The following EZH2 variants were observed in gnomAD, a reference collection of about 807,000 sequenced individuals.
EZH2 encodes enhancer of zeste 2 polycomb repressive complex 2 subunit, also known as histone-lysine N-methyltransferase EZH2.
EZH2 carries 18 observed loss-of-function variants against 98.4 expected under a neutral mutation model. That is an observed-to-expected ratio of 0.18 (90% confidence interval 0.13 to 0.27). The LOEUF is 0.27. EZH2 is among the 10% of genes least tolerant of loss of function. The probability of loss-of-function intolerance (pLI) is 1.00; values close to 1 mark genes in which losing one functional copy is unlikely to be tolerated. For missense variants in EZH2, 470 were observed against 935.1 expected, an observed-to-expected ratio of 0.50 and a Z score of 6.49; for synonymous variants, 338 against 312.3, an observed-to-expected ratio of 1.08 and a Z score of -0.87.
chr7:148,810,256 C>T (rs1045615502), intron 17 of EZH2, 77 bp downstream of exon 17: 76 of 1,086,430 alleles, frequency 7.0e-5, no homozygotes, highest in Middle Eastern at 2.0e-4. Context: ...CCTCTACCCT[C>T]GTTTCTGAAC....
intron 1 of EZH2, among the ~76,000 whole-genome samples, chr7:148,856,233 A>G (rs915866615): frequency 6.6e-6 from 1 of 152,200 alleles, no homozygotes; most frequent in African/African-American, 2.4e-5. Flanking sequence ...CCAGTCTGTA[A>G]TTCTGAAAAT....
At chr7:148,867,846 A>G (rs1302681809) in intron 1 of EZH2, among the ~76,000 whole-genome samples, 2 of 152,230 alleles carry the variant, frequency 1.3e-5, no homozygotes, top group African/African-American at 4.8e-5. Context: ...CTGCTTTTAG[A>G]AATTTCTTCC....
At chr7:148,848,871 G>A (rs1233951863) in intron 1 of EZH2, among the ~76,000 whole-genome samples, 4 of 151,916 alleles carry the variant, frequency 2.6e-5, no homozygotes, top group Admixed American at 1.3e-4. Context: ...TCAAAAGTCC[G>A]TGATATAAAG....
Position 148,818,122 on chromosome 7 carries a change from G to A in EZH2, c.1000-5C>T, listed in dbSNP as rs560591359. ...AGCAAACTCCTTTGCTCCCTCCTAC[G>A]AAATGAAAAATGTCAACATCAGGGC... On this transcript the variant is annotated splice_region_variant and splice_polypyrimidine_tract_variant and intron_variant, in intron 9 of 19. Transcript: ENST00000320356. 2.8e-5 allele frequency: 43 copies of A among 1,540,916 alleles called. No individual in the cohort carries two copies. The African/African-American group carries it at 3.6e-4, about 13-fold the overall frequency.
At chr7:148,863,129 C>A (rs1432389030) in intron 1 of EZH2, among the ~76,000 whole-genome samples, 1 of 150,874 alleles carries the variant, frequency 6.6e-6, no homozygotes, top group Non-Finnish European at 1.5e-5. Flanking sequence ...TAGTTTTGAT[C>A]CCATAATCCC....
chr7:148,811,014 T>C (rs1802914193), intron 16 of EZH2, among the ~76,000 whole-genome samples: 1 of 152,212 alleles, frequency 6.6e-6, no homozygotes, highest in Non-Finnish European at 1.5e-5. Context: ...ATGACGTTGT[T>C]GTTTCTAGGT....
Position 148,847,523 on chromosome 7 carries a change from A to C in EZH2, c.-7-218T>G, listed in dbSNP as rs73471834. Reference sequence around the variant, plus strand: ...CTTAAAATACACTTTTATTTACAAAAATTCTACACTAAATTGCGGCCATAT... The same window carrying C: ...CTTAAAATACACTTTTATTTACAAACATTCTACACTAAATTGCGGCCATAT... On this transcript the variant is annotated intron_variant, in intron 1 of 19. Transcript: ENST00000320356. 0.033 allele frequency among the ~76,000 whole-genome samples: 5,006 copies of C among 152,302 alleles called. 272 individuals are homozygous for C. Among genetic ancestry groups the C allele is most frequent in the African/African-American group, 0.11 (4,666 of 41,544 alleles).
At position 148,867,036 on chromosome 7, in the gene EZH2, C is replaced by T. The variant is rs1003452368; in HGVS notation, c.-8+17128G>A. 2.0e-5 allele frequency among the ~76,000 whole-genome samples: 3 copies of T among 149,494 alleles called. No individual in the cohort carries two copies. In the South Asian group the frequency reaches 6.7e-4, roughly 33 times the overall value. On this transcript the variant is annotated intron_variant, in intron 1 of 19. Transcript: ENST00000320356. Reference sequence around the variant, plus strand: ...GCCAACTTCTATTCTTTATAAATTACCCAGTCTTGGCCAGGCGTGGTGGCT... The same window carrying T: ...GCCAACTTCTATTCTTTATAAATTATCCAGTCTTGGCCAGGCGTGGTGGCT...
intron 1 of EZH2, among the ~76,000 whole-genome samples, chr7:148,866,556 A>ATACACATATATATACG (rs1818513584): frequency 8.0e-6 from 1 of 125,648 alleles, no homozygotes; most frequent in Non-Finnish European, 1.7e-5. Context: ...ATATATATAC[A>ATACACATATATATACG]TATATACATA....
At chr7:148,850,675 C>T (rs1815503121) in intron 1 of EZH2, among the ~76,000 whole-genome samples, 1 of 152,098 alleles carries the variant, frequency 6.6e-6, no homozygotes, top group South Asian at 2.1e-4. Context: ...CAGCAAGAAC[C>T]ACTTTTACTC....
chr7:148,818,422 TAAAG>T (rs1012044155), intron 9 of EZH2, among the ~76,000 whole-genome samples: 13 of 152,172 alleles, frequency 8.5e-5, no homozygotes, highest in African/African-American at 3.1e-4. Context: ...TATAAGAAGA[TAAAG>T]TATGAAATAT....
At chr7:148,828,439 G>A (rs1309263337) in intron 6 of EZH2, among the ~76,000 whole-genome samples, 1 of 151,998 alleles carries the variant, frequency 6.6e-6, no homozygotes, top group African/African-American at 2.4e-5. Flanking sequence ...CTGGGCTCAA[G>A]CAATCACCCT....
chr7:148,816,535 G>A (rs1376119031), intron 12 of EZH2, 149 bp downstream of exon 12: 2 of 597,500 alleles, frequency 3.3e-6, no homozygotes, highest in Non-Finnish European at 6.0e-6. Context: ...ATTCCCAGTG[G>A]AAATAAGATT....
At chr7:148,858,184 C>T (rs994208301) in intron 1 of EZH2, among the ~76,000 whole-genome samples, 3 of 150,936 alleles carry the variant, frequency 2.0e-5, no homozygotes, top group African/African-American at 7.3e-5. Flanking sequence ...CCCAGCTACT[C>T]GGGAGGCTGA....
intron 16 of EZH2, among the ~76,000 whole-genome samples, chr7:148,810,896 CAAAAAAAAA>C (rs924758768): frequency 3.9e-4 from 17 of 43,670 alleles, no homozygotes; most frequent in Middle Eastern, 0.011. Context: ...AACTCTGTCT[CAAAAAAAAA>C]AAAAAAAAAA....
rs587778303 is a variant in EZH2 at position 148,828,796 on chromosome 7, CCAT to C, written c.566_568del (p.Asp189del). 59 of 1,613,340 alleles carry C rather than the reference CCAT, an allele frequency of 3.7e-5. No individual in the cohort carries two copies. The highest frequency in any genetic ancestry group is 3.4e-4 in the South Asian group (31 of 91,016). ...TTCTTCTCTTTCTTCAGGATCGTCTCCATCATCATCATCGTCATCATCATTATA... is the reference window on the plus strand; with the variant it reads ...TTCTTCTCTTTCTTCAGGATCGTCTCCATCATCATCGTCATCATCATTATA... On this transcript the variant is annotated inframe_deletion, in exon 6 of 20. Transcript: ENST00000320356.
intron 12 of EZH2, 106 bp from the exon 13 acceptor site, chr7:148,815,652 T>C: frequency 9.8e-7 from 1 of 1,019,164 alleles, no homozygotes; most frequent in East Asian, 2.4e-5. Context: ...AGGAATGCGT[T>C]AAAGCCAAGA....
At chr7:148,832,123 C>A (rs1809558443) in intron 4 of EZH2, among the ~76,000 whole-genome samples, 2 of 152,198 alleles carry the variant, frequency 1.3e-5, no homozygotes, top group Non-Finnish European at 2.9e-5. Flanking sequence ...CAGGGTCTGG[C>A]TGTCACCCAA....
intron 12 of EZH2, among the ~76,000 whole-genome samples, chr7:148,816,154 T>C (rs774210177): frequency 1.3e-5 from 2 of 152,174 alleles, no homozygotes; most frequent in African/African-American, 4.8e-5. Context: ...TTAGAGCAGA[T>C]AGTCCACTCA....
Sources: allele counts gnomAD v4.1 joint callset (sites outside exome capture counted in the v4.1 genomes callset), GRCh38; gene constraint gnomAD v4.1.1; transcripts MANE v1.5; gene names NCBI Gene and HGNC (gene_info 2026-07-23, HGNC 2026-07-21).